PDE1A: variants seen among roughly 807,000 people sequenced by gnomAD.
The protein encoded by PDE1A is dual specificity calcium/calmodulin-dependent 3',5'-cyclic nucleotide phosphodiesterase 1A.
Under a neutral mutation model 61.7 loss-of-function variants are expected in PDE1A, and 35 were observed. That is an observed-to-expected ratio of 0.57 (90% CI 0.43 to 0.75). The LOEUF is 0.75. Ranked by LOEUF, PDE1A falls within the 30% of genes least tolerant of loss-of-function variation. The pLI is 0.00. For missense variants in PDE1A, 597 were observed against 630.6 expected (o/e 0.95, Z 0.57); for synonymous variants, 232 against 213.2 (o/e 1.09, Z -0.77).
chr2:182,426,825 A>T, exon 1 of PDE1A: 1 of 1,401,082 alleles, frequency 7.1e-7, no homozygotes, highest in Non-Finnish European at 9.2e-7. Context: ...GAGGCCACAT[A>T]AGACAGGCAC....
the PDE1A span, among the ~76,000 whole-genome samples, chr2:182,679,634 C>T: frequency 5.9e-5 from 9 of 151,832 alleles, no homozygotes; most frequent in African/African-American, 1.5e-4. Flanking sequence ...ATGTAAAATC[C>T]TCCGTGAGAA....
intron 7 of PDE1A, among the ~76,000 whole-genome samples, chr2:182,218,511 A>G (rs1574754235): frequency 6.6e-6 from 1 of 152,126 alleles, no homozygotes; most frequent in Non-Finnish European, 1.5e-5. Flanking sequence ...GAACTTATTT[A>G]TCCCATCTAA....
chr2:182,279,114 A>G (rs1292700641), intron 1 of PDE1A, among the ~76,000 whole-genome samples: 1 of 151,976 alleles, frequency 6.6e-6, no homozygotes, highest in African/African-American at 2.4e-5. Flanking sequence ...TAGGGCATAG[A>G]GGCAGGATTC....
chr2:182,609,481 A>ACGCTTAC, the PDE1A span, among the ~76,000 whole-genome samples: 1 of 152,202 alleles, frequency 6.6e-6, no homozygotes, highest in Non-Finnish European at 1.5e-5. Flanking sequence ...ATGAGTTGTA[A>ACGCTTAC]CGCTTACCGT....
chr2:182,540,834 C>G, the PDE1A span, among the ~76,000 whole-genome samples: 1 of 152,066 alleles, frequency 6.6e-6, no homozygotes, highest in East Asian at 1.9e-4. Flanking sequence ...AAATACATGA[C>G]TATGTACTTG....
chr2:182,368,832 C>T (rs1699977790), intron 1 of PDE1A, among the ~76,000 whole-genome samples: 1 of 152,090 alleles, frequency 6.6e-6, no homozygotes, highest in African/African-American at 2.4e-5. Flanking sequence ...TGATGATTAA[C>T]AAGTAAAAAT....
intron 3 of PDE1A, among the ~76,000 whole-genome samples, chr2:182,236,315 G>T (rs1483571369): frequency 6.7e-6 from 1 of 149,246 alleles, no homozygotes; most frequent in African/African-American, 2.5e-5. Flanking sequence ...ACAAGATCTA[G>T]AATAATTACT....
At chr2:182,703,430 T>G in the PDE1A span, among the ~76,000 whole-genome samples, 1 of 152,170 alleles carries the variant, frequency 6.6e-6, no homozygotes, top group East Asian at 1.9e-4. Context: ...GGTTGCTGAA[T>G]GGCATAAGGG....
the PDE1A span, among the ~76,000 whole-genome samples, chr2:182,634,697 C>T: frequency 1.3e-5 from 2 of 152,114 alleles, no homozygotes; most frequent in African/African-American, 4.8e-5. Context: ...GAGAAAAAAA[C>T]AAGTTTCTAA....
chr2:182,360,548 G>A (rs1261530714), intron 1 of PDE1A, among the ~76,000 whole-genome samples: 5 of 124,426 alleles, frequency 4.0e-5, no homozygotes, highest in East Asian at 2.5e-4. Context: ...TTTTTTTTTC[G>A]TAACTTAAGA....
intron 7 of PDE1A, among the ~76,000 whole-genome samples, chr2:182,220,804 G>T (rs1275698370): frequency 1.3e-5 from 2 of 151,768 alleles, no homozygotes; most frequent in Non-Finnish European, 2.9e-5. Context: ...AAGTAACAAT[G>T]AATAATATAA....
chr2:182,323,837 C>T (rs1230160984), intron 1 of PDE1A, among the ~76,000 whole-genome samples: 1 of 152,164 alleles, frequency 6.6e-6, no homozygotes, highest in African/African-American at 2.4e-5. Flanking sequence ...CACCAGAAGC[C>T]CCACACCCTG....
At chr2:182,655,671 G>A in the PDE1A span, among the ~76,000 whole-genome samples, 749 of 152,310 alleles carry the variant, frequency 4.9e-3, 11 homozygotes, top group African/African-American at 0.017. Flanking sequence ...GGTCTTTCAG[G>A]AGAGTTTTCT....
At chr2:182,144,897 G>C (rs1660479023), downstream of PDE1A, among the ~76,000 whole-genome samples, 1 of 152,138 alleles carries the variant, frequency 6.6e-6, no homozygotes, top group African/African-American at 2.4e-5. Flanking sequence ...TACTCTGCCA[G>C]AGTAAAAATC....
intron 2 of PDE1A, among the ~76,000 whole-genome samples, chr2:182,517,962 G>T (rs1227562085): frequency 6.6e-6 from 1 of 152,190 alleles, no homozygotes; most frequent in Non-Finnish European, 1.5e-5. Context: ...AACAAAATGA[G>T]CACAGGAAAA....
At chr2:182,142,137 C>CACACAG (rs1434740898), downstream of PDE1A, 1 of 151,872 alleles carries the variant, frequency 6.6e-6, no homozygotes, top group African/African-American at 2.4e-5. Flanking sequence ...CACACACACA[C>CACACAG]ACACACACAC....
intron 1 of PDE1A, among the ~76,000 whole-genome samples, chr2:182,373,403 A>T (rs146010417): frequency 0.013 from 1,905 of 152,316 alleles, 24 homozygotes; most frequent in South Asian, 0.048. Context: ...CTTCTTCGAC[A>T]ATCTATTAAT....
At chr2:182,498,938 A>G (rs934401518) in intron 2 of PDE1A, among the ~76,000 whole-genome samples, 11 of 151,686 alleles carry the variant, frequency 7.3e-5, no homozygotes, top group Non-Finnish European at 1.3e-4. Context: ...GCGAGACTCC[A>G]TCTCAAAATA....
upstream of PDE1A, among the ~76,000 whole-genome samples, chr2:182,431,262 C>G (rs1703938124): frequency 6.6e-6 from 1 of 151,876 alleles, no homozygotes; most frequent in Non-Finnish European, 1.5e-5. Flanking sequence ...AATCTTTTCT[C>G]TTTTTTGACA....
Sources: gnomAD v4.1 joint callset for allele counts (sites outside exome capture counted in the v4.1 genomes callset) on GRCh38, gnomAD v4.1.1 for gene constraint, MANE v1.5 for transcripts, NCBI Gene and HGNC (gene_info 2026-07-23, HGNC 2026-07-21) for gene names.